Variants in CACNA1H observed in about 807,000 individuals in gnomAD.
The protein encoded by CACNA1H is calcium voltage-gated channel subunit alpha1 H.
Under a neutral mutation model 192.5 loss-of-function variants are expected in CACNA1H, and 149 were observed. That is an observed-to-expected ratio of 0.77 (90% CI 0.68 to 0.89). The LOEUF is 0.89. CACNA1H is among the 40% of genes least tolerant of loss of function. The probability of loss-of-function intolerance (pLI) is 0.00; values close to 1 mark genes in which losing one functional copy is unlikely to be tolerated. For synonymous variants in CACNA1H, 2,202 were observed against 1,475.2 expected (o/e 1.49, Z -11.29); for missense variants, 4,257 against 3,423.5 (o/e 1.24, Z -6.08).
chr16:1,200,617 G>A (rs989690921), intron 7 of CACNA1H, 46 bp downstream of exon 7: 6 of 1,603,972 alleles, frequency 3.7e-6, no homozygotes, highest in African/African-American at 1.3e-5. Flanking sequence ...CACGGCAGGG[G>A]AGCGGGTGCA....
rs750529676 is a variant in CACNA1H, at chr16:1,211,706, T to C, written c.4477-10T>C. ...TAACCCTCGCCAGTGACCCTGGCTC[T>C]GGCCCTCAGGCCCTGATGTCGCTGT... On this transcript the variant is annotated splice_polypyrimidine_tract_variant and intron_variant, in intron 23 of 34. Coordinates refer to ENST00000348261, the MANE Select transcript of CACNA1H (RefSeq NM_021098.3). 2 of 1,612,486 alleles carry C rather than the reference T, an allele frequency of 1.2e-6. No individual in the cohort carries two copies. Among genetic ancestry groups the C allele is most frequent in the Admixed American group, 1.7e-5 (1 of 60,026 alleles).
chr16:1,184,400 C>T (rs1393311014), intron 2 of CACNA1H, among the ~76,000 whole-genome samples: 1 of 152,264 alleles, frequency 6.6e-6, no homozygotes, highest in Non-Finnish European at 1.5e-5. Context: ...CTCCAGGCGG[C>T]TTGGCCTGGG....
chr16:1,184,681 G>A (rs915933269), intron 2 of CACNA1H, among the ~76,000 whole-genome samples: 8 of 152,366 alleles, frequency 5.3e-5, no homozygotes, highest in South Asian at 2.1e-4. Context: ...TCTGCTCAGC[G>A]AGAGTGGAGG....
At chr16:1,201,015 T>G (rs1328764575) in intron 8 of CACNA1H, among the ~76,000 whole-genome samples, 1 of 152,022 alleles carries the variant, frequency 6.6e-6, no homozygotes, top group African/African-American at 2.4e-5. Context: ...GGTCCAGGCC[T>G]GTGGGTGCTG....
At position 1,217,995 on chromosome 16, in the gene CACNA1H, G is replaced by A. The variant is rs763148459; in HGVS notation, c.5400G>A (p.Thr1800=). The change falls in exon 32 of 35, where the codon ACG becomes ACA. Residue 1800 remains threonine, a synonymous_variant. Coordinates refer to ENST00000348261, the MANE Select transcript of CACNA1H (RefSeq NM_021098.3). ...GCAACTTCGGCATGGCCTTCCTCACGCTGTTCCGCGTGTCCACGGGGGACA... is the reference window on the plus strand; with the variant it reads ...GCAACTTCGGCATGGCCTTCCTCACACTGTTCCGCGTGTCCACGGGGGACA... ...TFSNFGMAFL[T]LFRVSTGDNW... The A allele has an allele frequency of 1.6e-5, 26 of 1,602,768 alleles. No homozygotes were observed. Among genetic ancestry groups the A allele is most frequent in the African/African-American group, 4.0e-5 (3 of 74,842 alleles).
Position 1,211,198 on chromosome 16 carries a change from G to C in CACNA1H, c.4254G>C (p.Leu1418=), listed in dbSNP as rs1273429536. 5 of 1,612,840 alleles carry C rather than the reference G, an allele frequency of 3.1e-6. No individual in the cohort carries two copies. The African/African-American group carries it at 6.7e-5, about 22-fold the overall frequency. ...RVISRAPGLK[L]VVETLISSLR... ...TCAGCCGGGCCCCGGGCCTCAAGCT[G>C]GTGGTGGAGACGCTGATATCATCAC... is the stretch of plus-strand genomic sequence containing the variant. The change falls in exon 22 of 35, where the codon CTG becomes CTC. Residue 1418 remains leucine (L), a synonymous_variant. Transcript: ENST00000348261.
intron 2 of CACNA1H, among the ~76,000 whole-genome samples, chr16:1,182,300 C>T (rs1965557198): frequency 1.3e-5 from 2 of 152,258 alleles, no homozygotes; most frequent in South Asian, 4.1e-4. Flanking sequence ...CCAGAGTCTC[C>T]CGAGGCCATT....
chr16:1,188,544 C>T (rs1052981736), intron 2 of CACNA1H, among the ~76,000 whole-genome samples: 2 of 152,214 alleles, frequency 1.3e-5, no homozygotes, highest in East Asian at 1.9e-4. Context: ...CAGACACTCC[C>T]CCTCACCCAG....
At position 1,198,727 on chromosome 16, in the gene CACNA1H, G is replaced by A. The variant is rs1555510083; in HGVS notation, c.756G>A (p.Trp252Ter). The part of the protein sequence containing the change: ...FIFGIVGVQL[W>*]AGLLRNRCFL... Reference sequence around the variant, plus strand: ...TCGGCATCGTTGGCGTCCAGCTCTGGGCTGGCCTCCTGCGGAACCGCTGCT... The same window carrying A: ...TCGGCATCGTTGGCGTCCAGCTCTGAGCTGGCCTCCTGCGGAACCGCTGCT... Residue 252 changes from tryptophan (W) to a stop codon, truncating the protein, a stop_gained, in exon 6 of 35, where the codon TGG (tryptophan) becomes TGA (stop). Transcript: ENST00000348261. LOFTEE classifies it high-confidence loss of function. 6.2e-7 allele frequency: 1 copy of A among 1,613,084 alleles called. No individual in the cohort carries two copies. The highest frequency in any genetic ancestry group is 8.5e-7 in the Non-Finnish European group (1 of 1,179,558).
intron 2 of CACNA1H, among the ~76,000 whole-genome samples, chr16:1,178,349 C>T (rs879741040): frequency 2.3e-4 from 34 of 147,146 alleles, no homozygotes; most frequent in Non-Finnish European, 4.2e-4. Flanking sequence ...CTGGTGCCCC[C>T]ATATTCATAT....
chr16:1,199,798 C>T (rs1229707999), intron 6 of CACNA1H, among the ~76,000 whole-genome samples: 2 of 151,884 alleles, frequency 1.3e-5, no homozygotes, highest in African/African-American at 2.4e-5. Flanking sequence ...AGCCCTCACC[C>T]CAGGGCTGCC....
At chr16:1,199,864 C>G (rs984872560) in intron 6 of CACNA1H, among the ~76,000 whole-genome samples, 2 of 152,114 alleles carry the variant, frequency 1.3e-5, no homozygotes, top group Non-Finnish European at 1.5e-5. Context: ...TGCCCCTCAT[C>G]CGCTTCCAGG....
chr16:1,157,897 G>A (rs1270576575), intron 2 of CACNA1H: 4 of 152,232 alleles, frequency 2.6e-5, no homozygotes, highest in East Asian at 1.9e-4. Flanking sequence ...CGGCCGTTGC[G>A]CCCGACCCAC....
chr16:1,198,091 G>C (rs1004529533), intron 5 of CACNA1H, among the ~76,000 whole-genome samples: 1 of 152,152 alleles, frequency 6.6e-6, no homozygotes, highest in African/African-American at 2.4e-5. Flanking sequence ...TCCCAGACCT[G>C]CTGCAGAGAC....
chr16:1,177,381 C>T (rs1391790896), intron 2 of CACNA1H, among the ~76,000 whole-genome samples: 2 of 152,246 alleles, frequency 1.3e-5, no homozygotes, highest in African/African-American at 2.4e-5. Flanking sequence ...GGGCCCTCCT[C>T]ATGGTACGGT....
chr16:1,198,682 C>T lies in CACNA1H; in HGVS notation c.711C>T (p.Cys237=), dbSNP rs768508455. 1.2e-6 allele frequency: 2 copies of T among 1,613,524 alleles called. No individual in the cohort carries two copies. The highest frequency in any genetic ancestry group is 1.3e-5 in the African/African-American group (1 of 75,006). The change falls in exon 6 of 35, where the codon TGC becomes TGT. Residue 237 remains cysteine, a synonymous_variant. Transcript: ENST00000348261. ...LPMLGNVLLL[C]FFVFFIFGIV... is the part of the protein sequence containing the mutation. ...TGCTCGGGAACGTCCTTCTGCTGTGCTTCTTCGTCTTCTTCATTTTCGGCA... is the reference window on the plus strand; with the variant it reads ...TGCTCGGGAACGTCCTTCTGCTGTGTTTCTTCGTCTTCTTCATTTTCGGCA...
rs1022269571 is a variant in CACNA1H at position 1,153,255 on chromosome 16, TCGCCTC to T, written c.-229_-224del. On this transcript the variant is annotated 5_prime_UTR_variant, in exon 1 of 35. Transcript: ENST00000348261. ...CCACGCCGCGCCGAGGCCGCCGCCG[TCGCCTC>T]CGCCGGGCGAGCCGGAGCCGGAGTC... 2 of 141,302 alleles carry T rather than the reference TCGCCTC, an allele frequency of 1.4e-5. No homozygotes were observed. Among genetic ancestry groups the T allele is most frequent in the African/African-American group, 5.1e-5 (2 of 38,946 alleles). The allele number at this position is 141,302 out of a possible 1,614,324, so 8.8% of individuals were successfully genotyped here. A position where few individuals can be genotyped will look rare whatever the true frequency, so the allele number is the denominator to read the frequency against.
rs751771537 is a variant in CACNA1H at position 1,217,998 on chromosome 16, G to A, written c.5403G>A (p.Leu1801=). 2 of 1,602,574 alleles carry A rather than the reference G, an allele frequency of 1.2e-6. No individual in the cohort carries two copies. Among genetic ancestry groups the A allele is most frequent in the Non-Finnish European group, 8.5e-7 (1 of 1,175,182 alleles). Residue 1801 remains leucine (L), a synonymous_variant, in exon 32 of 35, where the codon CTG becomes CTA. Coordinates refer to ENST00000348261, the MANE Select transcript of CACNA1H (RefSeq NM_021098.3). The part of the protein sequence containing the change: ...FSNFGMAFLT[L]FRVSTGDNWN... ...ACTTCGGCATGGCCTTCCTCACGCT[G>A]TTCCGCGTGTCCACGGGGGACAACT...
intron 16 of CACNA1H, 72 bp downstream of exon 16, chr16:1,208,293 C>T (rs1968997201): frequency 2.7e-6 from 3 of 1,107,906 alleles, no homozygotes; most frequent in East Asian, 2.6e-5. Flanking sequence ...ATGGCCTTCC[C>T]TGAAGATGAG....
Sources: gnomAD v4.1 joint callset for allele counts (sites outside exome capture counted in the v4.1 genomes callset) on GRCh38, gnomAD v4.1.1 for gene constraint, MANE v1.5 for transcripts, NCBI Gene and HGNC (gene_info 2026-07-23, HGNC 2026-07-21) for gene names.